The following NUDCD3 variants were observed in gnomAD, a reference collection of about 807,000 sequenced individuals.
NUDCD3 encodes the protein NudC domain containing 3.
A neutral mutation model predicts 39.7 loss-of-function variants in NUDCD3; 13 were observed. That is an observed-to-expected ratio of 0.33 (90% CI 0.21 to 0.52). NUDCD3 has a LOEUF of 0.52. Ranked by LOEUF, NUDCD3 falls within the 20% of genes least tolerant of loss-of-function variation. NUDCD3 has a pLI of 0.96. For missense variants in NUDCD3, 453 were observed against 458.1 expected, an observed-to-expected ratio of 0.99 and a Z score of 0.10; for synonymous variants, 175 against 172.4, an observed-to-expected ratio of 1.02 and a Z score of -0.12.
intron 2 of NUDCD3, among the ~76,000 whole-genome samples, chr7:44,456,174 A>G (rs930831862): frequency 2.0e-5 from 3 of 151,928 alleles, no homozygotes; most frequent in African/African-American, 7.2e-5. Flanking sequence ...CGAGGAAGTC[A>G]TGTGTGGGTT....
intron 2 of NUDCD3, among the ~76,000 whole-genome samples, chr7:44,474,182 C>CA (rs11443298): frequency 0.12 from 13,836 of 119,730 alleles, 1,036 homozygotes; most frequent in East Asian, 0.32. Context: ...TTTCCAACAT[C>CA]AAAAAAAAAA....
At chr7:44,407,383 T>C (rs1040509526) in intron 3 of NUDCD3, among the ~76,000 whole-genome samples, 1 of 150,988 alleles carries the variant, frequency 6.6e-6, no homozygotes, top group Admixed American at 6.6e-5. Context: ...CTGACCAACA[T>C]GGAGAAACCC....
chr7:44,410,400 C>A (rs1038338326), intron 3 of NUDCD3, among the ~76,000 whole-genome samples: 1 of 152,198 alleles, frequency 6.6e-6, no homozygotes, highest in Non-Finnish European at 1.5e-5. Flanking sequence ...CAGTGGCTCA[C>A]GCCTGTAATC....
At chr7:44,447,914 T>C (rs749888319) in intron 2 of NUDCD3, among the ~76,000 whole-genome samples, 5 of 152,066 alleles carry the variant, frequency 3.3e-5, no homozygotes, top group South Asian at 2.1e-4. Context: ...CCCTTGGAAA[T>C]TGTCATCTCT....
At chr7:44,486,230 C>CA (rs1194331153) in intron 1 of NUDCD3, among the ~76,000 whole-genome samples, 2 of 152,198 alleles carry the variant, frequency 1.3e-5, no homozygotes, top group African/African-American at 4.8e-5. Flanking sequence ...GGGTGGGAGT[C>CA]AGATTCCAAA....
At chr7:44,445,381 A>G (rs1420175582) in intron 2 of NUDCD3, among the ~76,000 whole-genome samples, 6 of 152,200 alleles carry the variant, frequency 3.9e-5, no homozygotes, top group African/African-American at 1.4e-4. Context: ...AGAGACATGC[A>G]CAGTGTGGTC....
At position 44,383,304 on chromosome 7, in the gene NUDCD3, C is replaced by T. The variant is rs1798340631; in HGVS notation, c.*2707G>A. On this transcript the variant is annotated 3_prime_UTR_variant, in exon 6 of 6. Transcript: ENST00000355451. ...GGAATCATTCCCAACTCTGCACTCACCCTAAGCTTTCCAGTAACTACAGAA... is the reference window on the plus strand; with the variant it reads ...GGAATCATTCCCAACTCTGCACTCATCCTAAGCTTTCCAGTAACTACAGAA... The T allele has an allele frequency of 6.6e-6, 1 of 152,258 alleles. No individual in the cohort carries two copies. Among genetic ancestry groups the T allele is most frequent in the South Asian group, 2.1e-4 (1 of 4,834 alleles). The allele number at this position is 152,258 out of a possible 1,614,324, so 9.4% of individuals were successfully genotyped here.
At chr7:44,427,115 T>C (rs1245350093) in intron 3 of NUDCD3, among the ~76,000 whole-genome samples, 1 of 152,230 alleles carries the variant, frequency 6.6e-6, no homozygotes, top group East Asian at 1.9e-4. Flanking sequence ...ATGTTAGCTA[T>C]CACTGTGCGT....
In NUDCD3 at chr7:44,469,134, A is replaced by C. The variant is rs537960654; in HGVS notation, c.509+15834T>G. Among the ~76,000 whole-genome samples, 9 of 150,354 alleles carry C rather than the reference A, an allele frequency of 6.0e-5. No homozygotes were observed. The South Asian group carries it at 1.7e-3, about 28-fold the overall frequency. On this transcript the variant is annotated intron_variant, in intron 2 of 5. Coordinates refer to ENST00000355451, the MANE Select transcript of NUDCD3 (RefSeq NM_015332.4). ...ACAAACCAAAAAAAAAAAAAAAAAA[A>C]AAAAAAACAGGAGATTTCAGTCAAC...
intron 3 of NUDCD3, among the ~76,000 whole-genome samples, chr7:44,420,988 C>T (rs530988679): frequency 6.6e-5 from 10 of 152,278 alleles, no homozygotes; most frequent in Admixed American, 3.3e-4. Context: ...GAATCAAATT[C>T]GCACATAACA....
rs1453204805 is a variant in NUDCD3, at chr7:44,395,209, AG to A, written c.787-2725del. ...TAAGTTAATTAAAATAAAATAATTC[AG>A]TTCTCCAGTCACGTGAGCCACCTGT... On this transcript the variant is annotated intron_variant, in intron 4 of 5. Transcript: ENST00000355451. Among the ~76,000 whole-genome samples, 4 of 152,352 alleles carry A rather than the reference AG, an allele frequency of 2.6e-5. No individual in the cohort carries two copies. The South Asian group carries it at 8.3e-4, about 32-fold the overall frequency.
At chr7:44,439,143 C>G (rs1182189037) in intron 2 of NUDCD3, among the ~76,000 whole-genome samples, 2 of 152,128 alleles carry the variant, frequency 1.3e-5, no homozygotes, top group Non-Finnish European at 2.9e-5. Context: ...GAAAGAAGGA[C>G]ATACCAATCA....
intron 1 of NUDCD3, chr7:44,485,523 T>C: frequency 2.1e-6 from 1 of 481,050 alleles, no homozygotes; most frequent in Non-Finnish European, 3.7e-6. Context: ...CTAACAATAT[T>C]TACATACCTA....
intron 2 of NUDCD3, among the ~76,000 whole-genome samples, chr7:44,435,970 A>G (rs1252695806): frequency 6.6e-6 from 1 of 152,242 alleles, no homozygotes; most frequent in African/African-American, 2.4e-5. Flanking sequence ...CAGGGAAATT[A>G]TAACAGGCTA....
rs187154631 is a variant in NUDCD3 at position 44,466,596 on chromosome 7, T to C, written c.509+18372A>G. Among the ~76,000 whole-genome samples, 18 of 152,246 alleles carry C rather than the reference T, an allele frequency of 1.2e-4. No homozygotes were observed. The Middle Eastern group carries it at 0.01, about 86-fold the overall frequency. On this transcript the variant is annotated intron_variant, in intron 2 of 5. Transcript: ENST00000355451. ...GCTCAGCCATGCTGCCTTCAAAAAT[T>C]AGGGGAAACAAAAGGTCTGGAAGTT...
At chr7:44,450,567 G>C (rs1289751444) in intron 2 of NUDCD3, among the ~76,000 whole-genome samples, 1 of 152,114 alleles carries the variant, frequency 6.6e-6, no homozygotes, top group South Asian at 2.1e-4. Flanking sequence ...TGAGGCAGGA[G>C]GATCACTTGA....
chr7:44,486,086 TG>T (rs1800604573), intron 1 of NUDCD3, among the ~76,000 whole-genome samples: 2 of 152,166 alleles, frequency 1.3e-5, no homozygotes, highest in South Asian at 4.1e-4. Flanking sequence ...AGTTAGACCC[TG>T]AATGAGAGGC....
intron 2 of NUDCD3, among the ~76,000 whole-genome samples, chr7:44,464,454 T>A (rs933320728): frequency 3.3e-5 from 5 of 152,196 alleles, no homozygotes; most frequent in African/African-American, 1.2e-4. Flanking sequence ...AAATGTACCT[T>A]GACTAGATCA....
intron 4 of NUDCD3, among the ~76,000 whole-genome samples, chr7:44,399,409 A>G (rs2116868748): frequency 6.6e-6 from 1 of 152,362 alleles, no homozygotes; most frequent in East Asian, 1.9e-4. Flanking sequence ...GGCTCTTGCC[A>G]AAATGCTAAG....
Sources: allele counts gnomAD v4.1 joint callset (sites outside exome capture counted in the v4.1 genomes callset), GRCh38; gene constraint gnomAD v4.1.1; transcripts MANE v1.5; gene names NCBI Gene and HGNC (gene_info 2026-07-23, HGNC 2026-07-21).